The following CLVS2 variants were observed in gnomAD, a reference collection of about 807,000 sequenced individuals.
CLVS2 encodes the protein clavesin-2.
A neutral mutation model predicts 29.0 loss-of-function variants in CLVS2; 19 were observed. That is an observed-to-expected ratio of 0.66 (90% CI 0.46 to 0.96). CLVS2 has a LOEUF of 0.96. CLVS2 is among the 40% of genes least tolerant of loss of function. The pLI, the probability that CLVS2 is intolerant of heterozygous loss-of-function variation, is 0.00. For synonymous variants in CLVS2, 161 were observed against 151.3 expected (o/e 1.06, Z -0.47); for missense variants, 294 against 404.1 (o/e 0.73, Z 2.34).
chr6:123,018,010 T>C (rs1340017890), intron 3 of CLVS2, among the ~76,000 whole-genome samples: 1 of 152,084 alleles, frequency 6.6e-6, no homozygotes, highest in Non-Finnish European at 1.5e-5. Context: ...CCACTGACAA[T>C]GTGACTTGTT....
chr6:123,070,453 C>G lies in CLVS2; in HGVS notation c.*6692C>G, dbSNP rs911672285. The G allele has an allele frequency of 1.3e-5, 2 of 151,966 alleles. No homozygotes were observed. Among genetic ancestry groups the G allele is most frequent in the Admixed American group, 6.6e-5 (1 of 15,204 alleles). The allele number at this position is 151,966 out of a possible 1,614,324, so 9.4% of individuals were successfully genotyped here. ...TATTGGACCAAGTCTTCAACATTTT[C>G]CATCTGGAATATTTTAATAATCTAA... On this transcript the variant is annotated 3_prime_UTR_variant, in exon 6 of 6. Coordinates refer to ENST00000275162, the MANE Select transcript of CLVS2 (RefSeq NM_001010852.4).
At chr6:123,047,362 A>T (rs9375217) in intron 3 of CLVS2, among the ~76,000 whole-genome samples, 38,014 of 151,990 alleles carry the variant, frequency 0.25, 5,664 homozygotes, top group East Asian at 0.66. Context: ...TTTACAAAAG[A>T]AGTAAGACAC....
Position 123,042,189 on chromosome 6 carries a change from TAC to T in CLVS2, c.565-6431_565-6430del, listed in dbSNP as rs1231597123. Among the ~76,000 whole-genome samples, 13 of 152,332 alleles carry T rather than the reference TAC, an allele frequency of 8.5e-5. 2 individuals are homozygous for T. The highest frequency in any genetic ancestry group is 3.4e-3 in the Middle Eastern group (1 of 294). On this transcript the variant is annotated intron_variant, in intron 3 of 5. Transcript: ENST00000275162. Reference sequence around the variant, plus strand: ...CCCTTTCTAACCATTGATTTTAAAATACAGTGTTGTATATCTCTAGAGACTGA... The same window carrying T: ...CCCTTTCTAACCATTGATTTTAAAATAGTGTTGTATATCTCTAGAGACTGA...
chr6:123,055,671 G>A, intron 4 of CLVS2, 135 bp from the exon 5 acceptor site: 1 of 659,828 alleles, frequency 1.5e-6, no homozygotes, highest in Non-Finnish European at 2.7e-6. Context: ...CAGAGTAGAT[G>A]ACTGGCTAAA....
chr6:123,024,481 T>C (rs1488343788), intron 3 of CLVS2, among the ~76,000 whole-genome samples: 1 of 152,030 alleles, frequency 6.6e-6, no homozygotes, highest in African/African-American at 2.4e-5. Context: ...TTCAGCTAAC[T>C]CACCAGGTGG....
chr6:123,013,536 G>C (rs970643658), intron 3 of CLVS2, among the ~76,000 whole-genome samples: 1 of 151,886 alleles, frequency 6.6e-6, no homozygotes, highest in Non-Finnish European at 1.5e-5. Context: ...GGAAACTTAC[G>C]TGCATTATGA....
chr6:123,051,084 A>C (rs1263490548), intron 4 of CLVS2, among the ~76,000 whole-genome samples: 1 of 152,112 alleles, frequency 6.6e-6, no homozygotes, highest in African/African-American at 2.4e-5. Flanking sequence ...AAAGCTATTA[A>C]ATTTCTTCAC....
chr6:123,018,337 CA>C (rs760517238), intron 3 of CLVS2, among the ~76,000 whole-genome samples: 2 of 152,030 alleles, frequency 1.3e-5, no homozygotes, highest in Non-Finnish European at 2.9e-5. Context: ...ATCAAAACTC[CA>C]AAATGTGAAC....
intron 3 of CLVS2, among the ~76,000 whole-genome samples, chr6:123,030,837 A>AATAT (rs150269067): frequency 1.4e-4 from 20 of 146,196 alleles, no homozygotes; most frequent in South Asian, 2.1e-4. Context: ...ATATATATAA[A>AATAT]ATATATATAT....
chr6:122,998,459 C>T (rs72972394), intron 2 of CLVS2, among the ~76,000 whole-genome samples: 35 of 152,250 alleles, frequency 2.3e-4, no homozygotes, highest in Admixed American at 4.6e-4. Flanking sequence ...AATAAAGCTT[C>T]TCTGTATGTT....
chr6:123,056,149 C>A, intron 5 of CLVS2, 123 bp downstream of exon 5: 2 of 653,444 alleles, frequency 3.1e-6, no homozygotes, highest in Non-Finnish European at 5.5e-6. Flanking sequence ...ACTCTTTATG[C>A]CCTATGATTG....
At position 123,017,088 on chromosome 6, in the gene CLVS2, ATGTGTG is replaced by A. The variant is rs61643251; in HGVS notation, c.564+5952_564+5957del. On this transcript the variant is annotated intron_variant, in intron 3 of 5. Coordinates refer to ENST00000275162, the MANE Select transcript of CLVS2 (RefSeq NM_001010852.4). ...AACAGCTTTGAAATTGCATGTGTGT[ATGTGTG>A]TGTGTGTGTGTGTGTGTGTGTGCGT... Among the ~76,000 whole-genome samples the A allele has an allele frequency of 4.1e-3, 606 of 149,102 alleles. 2 individuals are homozygous for A. Among genetic ancestry groups the A allele is most frequent in the African/African-American group, 0.013 (525 of 40,798 alleles).
At position 123,029,063 on chromosome 6, in the gene CLVS2, CAAG is replaced by C. The variant is rs1249083629; in HGVS notation, c.564+17908_564+17910del. On this transcript the variant is annotated intron_variant, in intron 3 of 5. Transcript: ENST00000275162. The stretch of plus-strand genomic sequence containing the variant: ...CTCTGTCTCTTCCACATGAGGAAAT[CAAG>C]AAGGAGACCCTCACCAGAACCTGGC... Among the ~76,000 whole-genome samples, 8 of 152,286 alleles carry C rather than the reference CAAG, an allele frequency of 5.3e-5. No individual in the cohort carries two copies. In the South Asian group the frequency reaches 8.3e-4, roughly 16 times the overall value.
At chr6:123,034,054 G>A (rs1775116862) in intron 3 of CLVS2, among the ~76,000 whole-genome samples, 3 of 152,048 alleles carry the variant, frequency 2.0e-5, no homozygotes, top group Admixed American at 6.6e-5. Context: ...TTTAAAAAGT[G>A]AAAATAGTAA....
chr6:123,006,904 A>G (rs1261240824), intron 2 of CLVS2, among the ~76,000 whole-genome samples: 1 of 152,210 alleles, frequency 6.6e-6, no homozygotes, highest in Non-Finnish European at 1.5e-5. Flanking sequence ...TTATTTCTAC[A>G]TTTGGATGAT....
chr6:123,060,286 G>T (rs1772755911), intron 5 of CLVS2, among the ~76,000 whole-genome samples: 1 of 152,148 alleles, frequency 6.6e-6, no homozygotes, highest in African/African-American at 2.4e-5. Context: ...GTGTAAATAT[G>T]CAAAGTTCAC....
At chr6:123,000,552 C>T (rs535988569) in intron 2 of CLVS2, among the ~76,000 whole-genome samples, 2 of 152,240 alleles carry the variant, frequency 1.3e-5, no homozygotes, top group African/African-American at 4.8e-5. Flanking sequence ...TTTCCTCTAC[C>T]CCGAAGGCTC....
At position 123,065,563 on chromosome 6, in the gene CLVS2, C is replaced by T. The variant is rs2114374678; in HGVS notation, c.*1802C>T. 1 of 152,002 alleles carries T rather than the reference C, an allele frequency of 6.6e-6. No individual in the cohort carries two copies. Among genetic ancestry groups the T allele is most frequent in the East Asian group, 1.9e-4 (1 of 5,184 alleles). The allele number at this position is 152,002 out of a possible 1,614,324, so 9.4% of individuals were successfully genotyped here. A position where few individuals can be genotyped will look rare whatever the true frequency, so the allele number is the denominator to read the frequency against. Reference sequence around the variant, plus strand: ...TAATGACTGTCAGGCACTCTGCTCTCCTTGTGACTTTTACAGAGATTGGAA... The same window carrying T: ...TAATGACTGTCAGGCACTCTGCTCTTCTTGTGACTTTTACAGAGATTGGAA... On this transcript the variant is annotated 3_prime_UTR_variant, in exon 6 of 6. Coordinates refer to ENST00000275162, the MANE Select transcript of CLVS2 (RefSeq NM_001010852.4).
chr6:122,996,703 A>G lies in CLVS2; in HGVS notation c.-603A>G. 1 of 167,914 alleles carries G rather than the reference A, an allele frequency of 6.0e-6. No homozygotes were observed. The highest frequency in any genetic ancestry group is 1.4e-5 in the Non-Finnish European group (1 of 69,772). 10.4% of individuals were successfully genotyped at this position (167,914 alleles called of 1,614,324 possible). ...GCTGAAGCCGCGGCTGATGGATGCC[A>G]GGGAGTGCCGCATTGCTTAGCGACC... On this transcript the variant is annotated 5_prime_UTR_variant, in exon 1 of 6. Coordinates refer to ENST00000275162, the MANE Select transcript of CLVS2 (RefSeq NM_001010852.4).
Sources: allele counts gnomAD v4.1 joint callset (sites outside exome capture counted in the v4.1 genomes callset), GRCh38; gene constraint gnomAD v4.1.1; transcripts MANE v1.5; gene names NCBI Gene and HGNC (gene_info 2026-07-23, HGNC 2026-07-21).